The following THSD7B variants were observed in gnomAD, a reference collection of about 807,000 sequenced individuals.
THSD7B encodes the protein thrombospondin type-1 domain-containing protein 7B.
In THSD7B, 138 loss-of-function variants were observed where a neutral mutation model predicts 213.6. That is an observed-to-expected ratio of 0.65 (90% CI 0.56 to 0.74). The LOEUF is 0.74. THSD7B is among the 30% of genes least tolerant of loss of function. The pLI is 0.00. For synonymous variants in THSD7B, 742 were observed against 687.0 expected (o/e 1.08, Z -1.25); for missense variants, 1,931 against 1,991.5 (o/e 0.97, Z 0.58).
intron 12 of THSD7B, among the ~76,000 whole-genome samples, chr2:137,285,378 T>C (rs1459326308): frequency 2.6e-5 from 4 of 152,156 alleles, no homozygotes; most frequent in Non-Finnish European, 2.9e-5. Flanking sequence ...TGTCTTTTAA[T>C]TGGAGCATGT....
intron 12 of THSD7B, among the ~76,000 whole-genome samples, chr2:137,344,805 A>G (rs1684840248): frequency 6.6e-6 from 1 of 151,694 alleles, no homozygotes; most frequent in Admixed American, 6.6e-5. Flanking sequence ...ACATTAACAG[A>G]ACAGAAACAA....
chr2:137,374,672 G>T (rs1685612667), intron 12 of THSD7B, among the ~76,000 whole-genome samples: 1 of 152,144 alleles, frequency 6.6e-6, no homozygotes, highest in Non-Finnish European at 1.5e-5. Context: ...ATGCATAAGT[G>T]CTTGCTTTAG....
chr2:136,918,194 C>A (rs1344625350), intron 2 of THSD7B, among the ~76,000 whole-genome samples: 1 of 152,120 alleles, frequency 6.6e-6, no homozygotes, highest in African/African-American at 2.4e-5. Context: ...GGTCTGGAAA[C>A]AAAATTGACA....
intron 2 of THSD7B, among the ~76,000 whole-genome samples, chr2:137,001,890 CT>C (rs1232696010): frequency 1.3e-5 from 2 of 151,992 alleles, no homozygotes; most frequent in South Asian, 2.1e-4. Context: ...TTGTTCAAAA[CT>C]TTTTCTTTTT....
At chr2:136,942,462 C>T (rs111945037) in intron 2 of THSD7B, among the ~76,000 whole-genome samples, 11,268 of 152,080 alleles carry the variant, frequency 0.074, 671 homozygotes, top group African/African-American at 0.16. Flanking sequence ...TTTCATGATA[C>T]TGATTCTTCC....
At chr2:137,568,114 T>G (rs2105229828) in intron 16 of THSD7B, among the ~76,000 whole-genome samples, 1 of 152,168 alleles carries the variant, frequency 6.6e-6, no homozygotes, top group African/African-American at 2.4e-5. Context: ...AGTTTGGCAA[T>G]GGGGAGTTTG....
intron 2 of THSD7B, among the ~76,000 whole-genome samples, chr2:137,028,367 A>T (rs1336154881): frequency 1.3e-5 from 2 of 152,224 alleles, no homozygotes; most frequent in Non-Finnish European, 2.9e-5. Flanking sequence ...ATAAAATTTC[A>T]TAGGAAATAT....
intron 7 of THSD7B, among the ~76,000 whole-genome samples, chr2:137,189,369 C>T (rs891858324): frequency 4.6e-5 from 7 of 152,138 alleles, no homozygotes; most frequent in African/African-American, 7.2e-5. Context: ...ATACATAGGC[C>T]CTGTAACATC....
At chr2:137,311,162 G>T (rs1194095032) in intron 12 of THSD7B, among the ~76,000 whole-genome samples, 1 of 150,916 alleles carries the variant, frequency 6.6e-6, no homozygotes, top group Non-Finnish European at 1.5e-5. Flanking sequence ...CCATTTGTTT[G>T]TATCCTCTTT....
chr2:137,616,679 T>A (rs74359780), intron 18 of THSD7B, among the ~76,000 whole-genome samples: 14,424 of 152,302 alleles, frequency 0.095, 874 homozygotes, highest in Middle Eastern at 0.18. Flanking sequence ...TTGGCTCTTT[T>A]ATGCCTTTTA....
rs1683638103 is a variant in THSD7B at position 136,882,237 on chromosome 2, T to A, written c.59T>A (p.Leu20His). 7 of 1,545,284 alleles carry A rather than the reference T, an allele frequency of 4.5e-6. No individual in the cohort carries two copies. Among genetic ancestry groups the A allele is most frequent in the Non-Finnish European group, 5.2e-6 (6 of 1,144,718 alleles). ...TCWVWRSMRKLFLLLSLLLSH... is the reference protein window; with the variant it reads ...TCWVWRSMRKHFLLLSLLLSH... ...TGGGTATGGAGGAGCATGAGGAAGC[T>A]CTTTCTATTGCTTTCTCTCTTGCTG... Residue 20 changes from leucine (L) to histidine (H), a missense_variant, in exon 2 of 28, where the codon CTC becomes CAC. Coordinates refer to ENST00000409968, the MANE Select transcript of THSD7B (RefSeq NM_001316349.2).
At chr2:137,484,349 C>T (rs1457809135) in intron 15 of THSD7B, among the ~76,000 whole-genome samples, 1 of 145,544 alleles carries the variant, frequency 6.9e-6, no homozygotes, top group African/African-American at 2.6e-5. Context: ...AGGACATGAA[C>T]TCATCCTTTT....
intron 5 of THSD7B, among the ~76,000 whole-genome samples, chr2:137,153,137 AT>A (rs968156990): frequency 1.9e-4 from 29 of 152,144 alleles, no homozygotes; most frequent in Middle Eastern, 3.4e-3. Context: ...AGGCTACTAT[AT>A]TTTTTTCCTT....
intron 2 of THSD7B, among the ~76,000 whole-genome samples, chr2:137,051,448 G>A (rs1309348314): frequency 2.0e-5 from 3 of 152,096 alleles, no homozygotes; most frequent in Non-Finnish European, 4.4e-5. Flanking sequence ...TAATTATTCC[G>A]TAGTTGATGC....
At chr2:137,148,184 C>G (rs1173398644) in intron 5 of THSD7B, among the ~76,000 whole-genome samples, 1 of 152,098 alleles carries the variant, frequency 6.6e-6, no homozygotes, top group South Asian at 2.1e-4. Context: ...GGACTTTTCC[C>G]CCTCTCTGCT....
chr2:137,278,889 A>T (rs1328143608), intron 12 of THSD7B, among the ~76,000 whole-genome samples: 2 of 152,182 alleles, frequency 1.3e-5, no homozygotes, highest in African/African-American at 4.8e-5. Context: ...GATAAGAGGT[A>T]TAGTTACAAT....
chr2:137,193,219 G>A (rs1463423000), intron 7 of THSD7B, among the ~76,000 whole-genome samples: 2 of 152,204 alleles, frequency 1.3e-5, no homozygotes, highest in African/African-American at 4.8e-5. Flanking sequence ...GTGTATGTAT[G>A]TGTGTATGTG....
At chr2:136,871,886 T>C (rs1683436550) in intron 1 of THSD7B, among the ~76,000 whole-genome samples, 1 of 152,312 alleles carries the variant, frequency 6.6e-6, no homozygotes, top group Non-Finnish European at 1.5e-5. Context: ...AAGCACCCCT[T>C]TCTTCACTGA....
intron 3 of THSD7B, among the ~76,000 whole-genome samples, chr2:137,072,604 C>T (rs1407216940): frequency 6.6e-6 from 1 of 152,070 alleles, no homozygotes; most frequent in Non-Finnish European, 1.5e-5. Flanking sequence ...TTTCCTTCTC[C>T]TGCCTAATTG....
Sources: gnomAD v4.1 joint callset for allele counts (sites outside exome capture counted in the v4.1 genomes callset) on GRCh38, gnomAD v4.1.1 for gene constraint, MANE v1.5 for transcripts, NCBI Gene and HGNC (gene_info 2026-07-23, HGNC 2026-07-21) for gene names.